Variants in ZNF140 observed in about 807,000 individuals in gnomAD.
ZNF140 encodes zinc finger protein 140, also known as zinc finger protein 140 (clone pHZ-39).
ZNF140 carries 13 observed loss-of-function variants against 12.9 expected under a neutral mutation model. The observed-to-expected ratio is 1.01, with a 90% CI of 0.66 to 1.60. The LOEUF is 1.60. Among genes scored for constraint, ZNF140 ranks in the 40% most tolerant of loss-of-function variants. The pLI, the probability that ZNF140 is intolerant of heterozygous loss-of-function variation, is 0.00. For synonymous variants in ZNF140, 214 were observed against 186.7 expected, an observed-to-expected ratio of 1.15 and a Z score of -1.19; for missense variants, 531 against 548.8, an observed-to-expected ratio of 0.97 and a Z score of 0.32.
intron 4 of ZNF140, among the ~76,000 whole-genome samples, chr12:133,091,250 C>A (rs1485353831): frequency 7.0e-6 from 1 of 143,848 alleles, no homozygotes; most frequent in African/African-American, 2.5e-5. Flanking sequence ...GTGCACTGTG[C>A]CCTGGTTTAT....
At chr12:133,097,066 TGA>T (rs1955155551) in intron 4 of ZNF140, among the ~76,000 whole-genome samples, 1 of 152,250 alleles carries the variant, frequency 6.6e-6, no homozygotes, top group Admixed American at 6.5e-5. Flanking sequence ...AGGATTTTTA[TGA>T]TTTCTTTCTT....
intron 4 of ZNF140, among the ~76,000 whole-genome samples, chr12:133,091,380 T>C (rs1276573743): frequency 7.9e-5 from 12 of 151,286 alleles, no homozygotes; most frequent in African/African-American, 2.5e-4. Context: ...ACACATGTTT[T>C]TGTGAGCTCC....
intron 4 of ZNF140, among the ~76,000 whole-genome samples, chr12:133,090,883 A>G (rs1006595330): frequency 0.011 from 1,524 of 136,272 alleles, 9 homozygotes; most frequent in Non-Finnish European, 0.016. Context: ...GTTTCTCTCC[A>G]CCCAAACATC....
intron 4 of ZNF140, among the ~76,000 whole-genome samples, chr12:133,089,992 G>A (rs1327339128): frequency 1.3e-5 from 2 of 151,822 alleles, no homozygotes; most frequent in Non-Finnish European, 2.9e-5. Flanking sequence ...TGGGATTACA[G>A]GTGCACGCCA....
intron 4 of ZNF140, among the ~76,000 whole-genome samples, chr12:133,098,735 C>T (rs1047084247): frequency 3.3e-5 from 5 of 151,418 alleles, no homozygotes; most frequent in Admixed American, 6.6e-5. Context: ...GACAGAGTCT[C>T]GCTCTGTTGC....
In ZNF140 at chr12:133,091,082, T is replaced by A. The variant is rs1455334774; in HGVS notation, c.232+7521T>A. Reference sequence around the variant, plus strand: ...TCTCAACTGCAAGAGGCTTTCCTCTTTTACTCATCCATCTCAGCACAGACC... The same window carrying A: ...TCTCAACTGCAAGAGGCTTTCCTCTATTACTCATCCATCTCAGCACAGACC... On this transcript the variant is annotated intron_variant, in intron 4 of 4. Coordinates refer to ENST00000355557, the MANE Select transcript of ZNF140 (RefSeq NM_003440.4). Among the ~76,000 whole-genome samples the A allele has an allele frequency of 4.0e-5, 6 of 149,138 alleles. 1 individual carries two copies. Among genetic ancestry groups the A allele is most frequent in the African/African-American group, 1.5e-4 (6 of 40,322 alleles).
intron 4 of ZNF140, among the ~76,000 whole-genome samples, chr12:133,101,737 C>T (rs984452545): frequency 2.0e-4 from 30 of 152,220 alleles, no homozygotes; most frequent in African/African-American, 6.5e-4. Flanking sequence ...GCCACTGCAC[C>T]TGGCCCATTA....
chr12:133,104,680 C>T (rs1246853439), intron 4 of ZNF140, among the ~76,000 whole-genome samples: 2 of 152,096 alleles, frequency 1.3e-5, no homozygotes, highest in Non-Finnish European at 2.9e-5. Context: ...TAAGGAGACA[C>T]TTCATATTAT....
chr12:133,095,381 T>G (rs923692684), intron 4 of ZNF140, among the ~76,000 whole-genome samples: 1 of 150,768 alleles, frequency 6.6e-6, no homozygotes, highest in Non-Finnish European at 1.5e-5. Flanking sequence ...TGACTGTGGA[T>G]GTACTTGGGA....
At chr12:133,080,512 C>G (rs1199198183), upstream of ZNF140, 2 of 152,312 alleles carry the variant, frequency 1.3e-5, no homozygotes, top group Non-Finnish European at 2.9e-5. Context: ...TAGTTGTGCG[C>G]TTGGCCGCGA....
chr12:133,100,911 ACTC>A, intron 4 of ZNF140: 1 of 440,090 alleles, frequency 2.3e-6, no homozygotes, highest in Non-Finnish European at 4.6e-6. Flanking sequence ...ACGTCACACT[ACTC>A]AGAATGGTGT....
intron 3 of ZNF140, 72 bp from the exon 4 acceptor site, chr12:133,083,394 C>G: frequency 6.5e-7 from 1 of 1,544,278 alleles, no homozygotes; most frequent in Non-Finnish European, 8.8e-7. Context: ...AAACTTACAT[C>G]TGACATTTCC....
At chr12:133,096,172 G>A (rs748155532) in intron 4 of ZNF140, among the ~76,000 whole-genome samples, 10 of 139,810 alleles carry the variant, frequency 7.2e-5, no homozygotes, top group Non-Finnish European at 1.3e-4. Flanking sequence ...GTGGCTTTCT[G>A]CAGTGCATGT....
chr12:133,103,274 A>G (rs1474817640), intron 4 of ZNF140, among the ~76,000 whole-genome samples: 1 of 152,134 alleles, frequency 6.6e-6, no homozygotes, highest in African/African-American at 2.4e-5. Flanking sequence ...CTTATTCTTC[A>G]TATCTAACAA....
At chr12:133,085,544 A>G (rs1232105890) in intron 4 of ZNF140, among the ~76,000 whole-genome samples, 1 of 152,192 alleles carries the variant, frequency 6.6e-6, no homozygotes, top group African/African-American at 2.4e-5. Context: ...TGCTCATCCT[A>G]ACCCTCCAAT....
Position 133,106,759 on chromosome 12 carries a change from T to C in ZNF140, c.*108T>C. The C allele has an allele frequency of 9.6e-7, 1 of 1,042,470 alleles. No individual in the cohort carries two copies. The highest frequency in any genetic ancestry group is 1.3e-6 in the Non-Finnish European group (1 of 744,792). The allele number at this position is 1,042,470 out of a possible 1,614,324, so 64.6% of individuals were successfully genotyped here. ...AGAAGCCTTATGTGAAAGTGATGAC[T>C]GTGAAGTAATATGGCCCACACTTTA... is the stretch of plus-strand genomic sequence containing the variant. On this transcript the variant is annotated 3_prime_UTR_variant, in exon 5 of 5. Transcript: ENST00000355557.
chr12:133,094,774 C>T (rs1955009057), intron 4 of ZNF140, among the ~76,000 whole-genome samples: 1 of 151,192 alleles, frequency 6.6e-6, no homozygotes. Flanking sequence ...CTCCCTCCCC[C>T]AGCACTCACT....
At chr12:133,087,454 C>A (rs1054645228) in intron 4 of ZNF140, among the ~76,000 whole-genome samples, 1 of 150,856 alleles carries the variant, frequency 6.6e-6, no homozygotes, top group African/African-American at 2.4e-5. Flanking sequence ...AGGCCCCACC[C>A]TGGAAATTCT....
intron 1 of ZNF140, 52 bp from the exon 2 acceptor site, chr12:133,081,220 TG>T: frequency 1.1e-6 from 1 of 913,112 alleles, no homozygotes. Flanking sequence ...TCTAGTGACT[TG>T]GGCGCGGCCT....
Sources: gnomAD v4.1 joint callset for allele counts (sites outside exome capture counted in the v4.1 genomes callset) on GRCh38, gnomAD v4.1.1 for gene constraint, MANE v1.5 for transcripts, NCBI Gene and HGNC (gene_info 2026-07-23, HGNC 2026-07-21) for gene names.